Variants in CACNA2D2 observed in about 807,000 individuals in gnomAD.
CACNA2D2 encodes the protein calcium voltage-gated channel auxiliary subunit alpha2delta 2.
Under a neutral mutation model 166.4 loss-of-function variants are expected in CACNA2D2, and 48 were observed. The ratio of observed to expected loss-of-function variants is 0.29; its 90% CI spans 0.23 to 0.37. CACNA2D2 has a LOEUF of 0.37. CACNA2D2 is among the 10% of genes least tolerant of loss of function. The pLI is 1.00. For missense variants in CACNA2D2, 1,122 were observed against 1,433.0 expected, an observed-to-expected ratio of 0.78 and a Z score of 3.50; for synonymous variants, 561 against 573.7, an observed-to-expected ratio of 0.98 and a Z score of 0.32.
intron 1 of CACNA2D2, among the ~76,000 whole-genome samples, chr3:50,483,666 C>G (rs1005960909): frequency 6.6e-6 from 1 of 152,158 alleles, no homozygotes; most frequent in African/African-American, 2.4e-5. Context: ...CAATACCCAG[C>G]AATACCCAGG....
intron 3 of CACNA2D2, among the ~76,000 whole-genome samples, chr3:50,396,367 T>G (rs1215086948): frequency 6.6e-6 from 1 of 152,142 alleles, no homozygotes; most frequent in Non-Finnish European, 1.5e-5. Context: ...TCTCCAAATG[T>G]AGATCTGGTC....
chr3:50,460,665 T>G (rs1312699857), intron 2 of CACNA2D2, among the ~76,000 whole-genome samples: 1 of 151,916 alleles, frequency 6.6e-6, no homozygotes, highest in African/African-American at 2.4e-5. Context: ...CCATCCTGGC[T>G]AACATGGTGA....
At chr3:50,431,948 A>G (rs1190483769) in intron 3 of CACNA2D2, among the ~76,000 whole-genome samples, 2 of 144,040 alleles carry the variant, frequency 1.4e-5, no homozygotes, top group Admixed American at 7.0e-5. Context: ...CTGCACCACT[A>G]TACTCCAGCC....
intron 22 of CACNA2D2, chr3:50,373,148 C>T (rs1575593629): frequency 2.8e-6 from 4 of 1,430,878 alleles, no homozygotes; most frequent in East Asian, 2.5e-5. Flanking sequence ...CAAAAACAAA[C>T]GAAAAGGGGG....
intron 3 of CACNA2D2, among the ~76,000 whole-genome samples, chr3:50,425,933 G>A (rs1707791016): frequency 6.6e-6 from 1 of 152,188 alleles, no homozygotes. Flanking sequence ...CCTTCTCTGA[G>A]TGGGACTGGC....
intron 3 of CACNA2D2, among the ~76,000 whole-genome samples, chr3:50,423,253 C>A (rs1021591210): frequency 6.6e-6 from 1 of 152,230 alleles, no homozygotes; most frequent in Non-Finnish European, 1.5e-5. Context: ...GTTCTTCTGT[C>A]CATTTGCTTG....
chr3:50,432,230 C>G (rs1346778625), intron 3 of CACNA2D2, among the ~76,000 whole-genome samples: 1 of 152,096 alleles, frequency 6.6e-6, no homozygotes, highest in African/African-American at 2.4e-5. Flanking sequence ...GGAAAGAGAC[C>G]CCAGCCCTGT....
chr3:50,499,328 G>C (rs573124731), intron 1 of CACNA2D2, among the ~76,000 whole-genome samples: 150 of 152,286 alleles, frequency 9.8e-4, no homozygotes, highest in African/African-American at 3.4e-3. Context: ...CTGGAGACTG[G>C]TGGGTCTCGC....
chr3:50,376,593 C>T lies in CACNA2D2; in HGVS notation c.1627-405G>A, dbSNP rs778113597. Among the ~76,000 whole-genome samples, 16 of 152,136 alleles carry T rather than the reference C, an allele frequency of 1.1e-4. No individual in the cohort carries two copies. The highest frequency in any genetic ancestry group is 1.8e-4 in the Non-Finnish European group (12 of 68,006). ...TTGTCCCCACGTCAAGAGAGAGCAG[C>T]GGGACGAGTGGACCCTTCGGAATCC... On this transcript the variant is annotated intron_variant, in intron 17 of 37. Coordinates refer to ENST00000424201, the MANE Select transcript of CACNA2D2 (RefSeq NM_006030.4). The surrounding 1 kb of genome is among the most constrained non-coding windows in gnomAD (Gnocchi z 4.3).
Position 50,367,232 on chromosome 3 carries a change from G to C in CACNA2D2, c.2402-123C>G. The stretch of plus-strand genomic sequence containing the variant: ...CTCCAGCCCAAGCACCCAGCACTCA[G>C]GACAGTGTTTGGCACAGTCTATCCC... On this transcript the variant is annotated intron_variant, in intron 27 of 37. Coordinates refer to ENST00000424201, the MANE Select transcript of CACNA2D2 (RefSeq NM_006030.4). The surrounding 1 kb of genome is among the most constrained non-coding windows in gnomAD (Gnocchi z 6.5). 2 of 994,884 alleles carry C rather than the reference G, an allele frequency of 2.0e-6. No individual in the cohort carries two copies. The highest frequency in any genetic ancestry group is 1.4e-5 in the South Asian group (1 of 71,698). The allele number at this position is 994,884 out of a possible 1,614,324, so 61.6% of individuals were successfully genotyped here. A position where few individuals can be genotyped will look rare whatever the true frequency, so the allele number is the denominator to read the frequency against.
At position 50,380,996 on chromosome 3, in the gene CACNA2D2, C is replaced by T. The variant is rs370672130; in HGVS notation, c.783G>A (p.Pro261=). The change falls in exon 7 of 38, where the codon CCG becomes CCA. Residue 261 remains proline (P), a splice_region_variant and synonymous_variant. Coordinates refer to ENST00000424201, the MANE Select transcript of CACNA2D2 (RefSeq NM_006030.4). This position sits in a 1 kb window ranked among gnomAD's most constrained non-coding sequence, Gnocchi z 4.9. Reference sequence around the variant, plus strand: ...CAGGGGACAGGGGCTGGTACCTACCCGGGTAGTAGCGAGTGACTCCTGTGG... The same window carrying T: ...CAGGGGACAGGGGCTGGTACCTACCTGGGTAGTAGCGAGTGACTCCTGTGG... ...GSATGVTRYY[P]ATPWRAPKKI... 3.0e-5 allele frequency: 49 copies of T among 1,613,594 alleles called. No individual in the cohort carries two copies. The highest frequency in any genetic ancestry group is 1.6e-4 in the Middle Eastern group (1 of 6,074).
intron 1 of CACNA2D2, among the ~76,000 whole-genome samples, chr3:50,498,175 A>G (rs1192052372): frequency 6.6e-6 from 1 of 152,182 alleles, no homozygotes; most frequent in Admixed American, 6.5e-5. Flanking sequence ...TCGCCCTGCC[A>G]GACAGAGCTC....
chr3:50,387,702 G>C (rs1412232226), intron 4 of CACNA2D2, 90 bp from the exon 5 acceptor site: 2 of 993,998 alleles, frequency 2.0e-6, no homozygotes, highest in African/African-American at 1.6e-5. Context: ...GGCACCCTTA[G>C]ATTCCTCTGG....
intron 1 of CACNA2D2, among the ~76,000 whole-genome samples, chr3:50,486,237 A>G (rs1467914): frequency 0.3 from 45,450 of 152,044 alleles, 9,713 homozygotes; most frequent in East Asian, 0.62. Flanking sequence ...AGGTCACCAA[A>G]TGGGTCAGGG....
intron 2 of CACNA2D2, among the ~76,000 whole-genome samples, chr3:50,447,119 A>G (rs980965528): frequency 3.9e-5 from 6 of 152,168 alleles, no homozygotes; most frequent in Admixed American, 6.5e-5. Context: ...GGTGAAGAAG[A>G]AGGAAGGCTG....
At chr3:50,382,120 C>T (rs587715255) in intron 6 of CACNA2D2, among the ~76,000 whole-genome samples, 27 of 152,270 alleles carry the variant, frequency 1.8e-4, no homozygotes, top group Middle Eastern at 3.4e-3. Flanking sequence ...ACCCCCAACT[C>T]GGGGCGGCCT....
At chr3:50,438,833 AG>A in intron 2 of CACNA2D2, among the ~76,000 whole-genome samples, 2 of 152,164 alleles carry the variant, frequency 1.3e-5, no homozygotes, top group African/African-American at 2.4e-5. Flanking sequence ...AGGAGAGAGG[AG>A]AGGGGAAAGG....
intron 3 of CACNA2D2, among the ~76,000 whole-genome samples, chr3:50,410,553 G>A (rs1706961591): frequency 6.6e-6 from 1 of 151,962 alleles, no homozygotes; most frequent in Non-Finnish European, 1.5e-5. Context: ...CAAGGCCTCT[G>A]GGCCACCTGA....
chr3:50,452,660 A>T (rs939533407), intron 2 of CACNA2D2, among the ~76,000 whole-genome samples: 1 of 152,256 alleles, frequency 6.6e-6, no homozygotes, highest in Non-Finnish European at 1.5e-5. Context: ...AGTAAGATTC[A>T]AAACAAATTT....
Sources: allele counts gnomAD v4.1 joint callset (sites outside exome capture counted in the v4.1 genomes callset), GRCh38; gene constraint gnomAD v4.1.1; non-coding constraint Gnocchi (gnomAD v3.1); transcripts MANE v1.5; gene names NCBI Gene and HGNC (gene_info 2026-07-23, HGNC 2026-07-21).